The following FMN1 variants were observed in gnomAD, a reference collection of about 807,000 sequenced individuals.
The protein encoded by FMN1 is formin 1.
FMN1 carries 110 observed loss-of-function variants against 132.4 expected under a neutral mutation model. That is an observed-to-expected ratio of 0.83 (90% CI 0.71 to 0.97). The LOEUF is 0.97. Among genes scored for constraint, FMN1 ranks in the 50% least tolerant of loss-of-function variants. FMN1 has a pLI of 0.00. For missense variants in FMN1, 1,792 were observed against 1,705.3 expected, an observed-to-expected ratio of 1.05 and a Z score of -0.90; for synonymous variants, 722 against 651.7, an observed-to-expected ratio of 1.11 and a Z score of -1.64.
intron 4 of FMN1, among the ~76,000 whole-genome samples, chr15:33,115,049 A>G (rs1156669434): frequency 6.6e-6 from 1 of 152,172 alleles, no homozygotes; most frequent in Non-Finnish European, 1.5e-5. Flanking sequence ...TTCATCTATC[A>G]ATCAGTCAAA....
intron 5 of FMN1, chr15:33,067,103 G>C: frequency 6.2e-7 from 1 of 1,613,978 alleles, no homozygotes. Context: ...TTCTTTTTTA[G>C]AAGAGGCACT....
At chr15:32,980,797 G>C (rs554076501) in intron 7 of FMN1, among the ~76,000 whole-genome samples, 167 of 152,196 alleles carry the variant, frequency 1.1e-3, no homozygotes, top group Middle Eastern at 3.4e-3. Context: ...AGGCGGATCT[G>C]AGGTTAGGAG....
At position 32,890,540 on chromosome 15, in the gene FMN1, A is replaced by G. The variant is rs528552893; in HGVS notation, c.3715-2248T>C. ...CATTAGTGATGTTGAGCATTTTTTC[A>G]TGTTTGTTGGCCATTTGTATATCTT... On this transcript the variant is annotated intron_variant, in intron 15 of 20. Transcript: ENST00000616417. 7.9e-5 allele frequency among the ~76,000 whole-genome samples: 12 copies of G among 152,146 alleles called. No homozygotes were observed. The South Asian group carries it at 2.5e-3, about 32-fold the overall frequency.
intron 17 of FMN1, among the ~76,000 whole-genome samples, chr15:32,822,558 GTC>G (rs1394260291): frequency 6.6e-6 from 1 of 151,478 alleles, no homozygotes; most frequent in Non-Finnish European, 1.5e-5. Context: ...GAAGCTTCTT[GTC>G]TCTCAGCATT....
intron 2 of FMN1, among the ~76,000 whole-genome samples, chr15:33,193,480 G>A (rs894015347): frequency 6.6e-6 from 1 of 152,248 alleles, no homozygotes; most frequent in African/African-American, 2.4e-5. Context: ...GATGGCACAT[G>A]TCCCATATGC....
chr15:32,911,841 C>T (rs1444331250), intron 10 of FMN1, among the ~76,000 whole-genome samples: 3 of 151,732 alleles, frequency 2.0e-5, no homozygotes, highest in Non-Finnish European at 4.4e-5. Context: ...AATGTGAAAC[C>T]AGTAAAGAAA....
intron 4 of FMN1, among the ~76,000 whole-genome samples, chr15:33,132,929 A>T (rs1963610350): frequency 6.6e-6 from 1 of 152,194 alleles, no homozygotes; most frequent in Non-Finnish European, 1.5e-5. Flanking sequence ...TCTACTGGAC[A>T]AAACATGAAG....
chr15:32,985,460 T>C (rs1019988626), intron 7 of FMN1, among the ~76,000 whole-genome samples: 3 of 152,192 alleles, frequency 2.0e-5, no homozygotes, highest in Non-Finnish European at 2.9e-5. Context: ...GAATGAATTC[T>C]TCCAATATCC....
chr15:32,848,015 A>G (rs984918299), intron 17 of FMN1, among the ~76,000 whole-genome samples: 1 of 152,174 alleles, frequency 6.6e-6, no homozygotes, highest in African/African-American at 2.4e-5. Flanking sequence ...GTAATCTGAG[A>G]GAAGATCTTT....
In FMN1 at chr15:32,776,892, G is replaced by T; in HGVS notation, c.4158C>A (p.Ser1386Arg). The change falls in exon 20 of 21, where the codon AGC (serine) becomes AGA (arginine). Residue 1386 changes from serine (S) to arginine (R), a missense_variant. By Grantham distance (110) the Ser-to-Arg change is moderately radical. This residue lies in a region of FMN1 where 1,150 missense variants were observed against 1,043.1 expected (regional missense o/e 1.10). Transcript: ENST00000616417. ...ERLKMAQESV[S>R]KLTSEKKVET... is the part of the protein sequence containing the mutation. ...CCACTTTCTTCTCTGAAGTCAACTTGCTGACTGATTCCTGAGCCATTTTCA... is the reference window on the plus strand; with the variant it reads ...CCACTTTCTTCTCTGAAGTCAACTTTCTGACTGATTCCTGAGCCATTTTCA... 6.3e-7 allele frequency: 1 copy of T among 1,595,056 alleles called. No homozygotes were observed. The highest frequency in any genetic ancestry group is 8.6e-7 in the Non-Finnish European group (1 of 1,168,774).
chr15:32,855,947 C>T (rs1403216686), intron 17 of FMN1, among the ~76,000 whole-genome samples: 1 of 152,142 alleles, frequency 6.6e-6, no homozygotes, highest in Non-Finnish European at 1.5e-5. Context: ...GCATTTCTTC[C>T]ATCATATATG....
At chr15:33,161,877 C>T (rs1300509300) in intron 3 of FMN1, among the ~76,000 whole-genome samples, 2 of 151,552 alleles carry the variant, frequency 1.3e-5, no homozygotes, top group African/African-American at 4.9e-5. Context: ...GAGATCGTGC[C>T]ACTGCACTCC....
intron 6 of FMN1, among the ~76,000 whole-genome samples, chr15:33,060,441 A>C (rs1352180879): frequency 1.3e-5 from 2 of 152,186 alleles, no homozygotes; most frequent in Non-Finnish European, 2.9e-5. Flanking sequence ...AATGAGAAAC[A>C]AACCAGAAAA....
chr15:33,108,574 A>T (rs1300619248), intron 4 of FMN1, among the ~76,000 whole-genome samples: 1 of 152,082 alleles, frequency 6.6e-6, no homozygotes, highest in Non-Finnish European at 1.5e-5. Flanking sequence ...AAAAAAGAAG[A>T]AAGTTAAAGG....
chr15:33,143,481 T>C (rs1026923060), intron 4 of FMN1, among the ~76,000 whole-genome samples: 1 of 152,254 alleles, frequency 6.6e-6, no homozygotes, highest in African/African-American at 2.4e-5. Context: ...ATGATGAATG[T>C]GATACCATTG....
chr15:33,065,777 G>A (rs772189769), intron 5 of FMN1, among the ~76,000 whole-genome samples: 2 of 152,116 alleles, frequency 1.3e-5, no homozygotes, highest in African/African-American at 2.4e-5. Context: ...TTGTTCTTCT[G>A]ATCGTTTAAG....
At chr15:32,812,462 C>T (rs2057914397) in intron 17 of FMN1, among the ~76,000 whole-genome samples, 2 of 152,150 alleles carry the variant, frequency 1.3e-5, no homozygotes. Flanking sequence ...GGACCCAAGT[C>T]TAAAGATGAA....
At chr15:32,785,218 A>ATATATATATTTTTTTTTT (rs1444523400) in intron 19 of FMN1, among the ~76,000 whole-genome samples, 48 of 39,182 alleles carry the variant, frequency 1.2e-3, no homozygotes, top group Non-Finnish European at 1.5e-3. Flanking sequence ...ATATATATAT[A>ATATATATATTTTTTTTTT]TTTTTTTTTT....
chr15:32,803,087 G>C (rs976280578), intron 18 of FMN1, among the ~76,000 whole-genome samples: 1 of 152,172 alleles, frequency 6.6e-6, no homozygotes, highest in Non-Finnish European at 1.5e-5. Flanking sequence ...CACCGTCTAT[G>C]GGATTTCAGA....
Sources: allele counts gnomAD v4.1 joint callset (sites outside exome capture counted in the v4.1 genomes callset), GRCh38; gene constraint gnomAD v4.1.1; regional missense constraint gnomAD v4.1.1; transcripts MANE v1.5; gene names NCBI Gene and HGNC (gene_info 2026-07-23, HGNC 2026-07-21).